Variants in COL4A2 observed in about 807,000 individuals in gnomAD.
The protein encoded by COL4A2 is collagen type IV alpha 2 chain.
Under a neutral mutation model 200.2 loss-of-function variants are expected in COL4A2, and 99 were observed. The ratio of observed to expected loss-of-function variants is 0.49; its 90% CI spans 0.42 to 0.58. COL4A2 has a LOEUF of 0.58. Among genes scored for constraint, COL4A2 ranks in the 20% least tolerant of loss-of-function variants. COL4A2 has a pLI of 0.00. For synonymous variants in COL4A2, 897 were observed against 900.6 expected, an observed-to-expected ratio of 1.00 and a Z score of 0.07; for missense variants, 1,950 against 2,314.1, an observed-to-expected ratio of 0.84 and a Z score of 3.23.
chr13:110,423,191 T>G (rs192286722), intron 4 of COL4A2, among the ~76,000 whole-genome samples: 1 of 152,292 alleles, frequency 6.6e-6, no homozygotes, highest in Admixed American at 6.5e-5. Flanking sequence ...GGCTAGCCTG[T>G]GAAATGTTAA....
chr13:110,487,537 G>A (rs907795186), intron 34 of COL4A2, among the ~76,000 whole-genome samples: 1 of 152,176 alleles, frequency 6.6e-6, no homozygotes, highest in African/African-American at 2.4e-5. Flanking sequence ...ATAACAGCTC[G>A]AAACTAGGAA....
chr13:110,398,285 C>T (rs1189446038), intron 4 of COL4A2, among the ~76,000 whole-genome samples: 2 of 152,114 alleles, frequency 1.3e-5, no homozygotes, highest in Non-Finnish European at 2.9e-5. Flanking sequence ...GAAAACTCAA[C>T]TGCCTATAGA....
At chr13:110,407,470 G>A (rs1239166332) in intron 4 of COL4A2, among the ~76,000 whole-genome samples, 7 of 152,230 alleles carry the variant, frequency 4.6e-5, no homozygotes, top group South Asian at 2.1e-4. Flanking sequence ...CGTGGCACAC[G>A]CAGCACCAGG....
chr13:110,484,838 C>A, intron 32 of COL4A2, 67 bp from the exon 33 acceptor site: 1 of 1,509,428 alleles, frequency 6.6e-7, no homozygotes, highest in Non-Finnish European at 8.9e-7. Flanking sequence ...AGGGACCAGG[C>A]CTTCACCTGT....
At chr13:110,370,474 C>G (rs984045129) in intron 4 of COL4A2, among the ~76,000 whole-genome samples, 4 of 152,170 alleles carry the variant, frequency 2.6e-5, no homozygotes, top group Non-Finnish European at 5.9e-5. Flanking sequence ...CCAGGCTGGT[C>G]TTGAACTCCT....
rs199959120 is a variant in COL4A2 at position 110,512,057 on chromosome 13, G to A, written c.5005G>A (p.Ala1669Thr). The A allele has an allele frequency of 1.4e-5, 22 of 1,613,688 alleles. No individual in the cohort carries two copies. Among genetic ancestry groups the A allele is most frequent in the Middle Eastern group, 1.6e-4 (1 of 6,084 alleles). ...AGGCCGCGGCACCTGCCACTACTAC[G>A]CCAACAAGTACAGCTTCTGGCTGAC... Reference protein sequence around the residue: ...NGGRGTCHYYANKYSFWLTTI... With the variant: ...NGGRGTCHYYTNKYSFWLTTI... Residue 1669 changes from alanine to threonine, a missense_variant, in exon 48 of 48, where the codon GCC becomes ACC. Ala to Thr is a moderately conservative substitution (Grantham distance 58). This residue lies in a region of COL4A2 where 1,385 missense variants were observed against 1,720.5 expected (regional missense o/e 0.80). Coordinates refer to ENST00000360467, the MANE Select transcript of COL4A2 (RefSeq NM_001846.4).
intron 31 of COL4A2, 82 bp downstream of exon 31, chr13:110,480,472 C>T (rs113287514): frequency 2.7e-5 from 39 of 1,431,260 alleles, no homozygotes; most frequent in Middle Eastern, 3.7e-4. Flanking sequence ...CTCTGCTGGG[C>T]GCCTCTGTGG....
intron 3 of COL4A2, among the ~76,000 whole-genome samples, chr13:110,314,587 G>A (rs1304523431): frequency 6.6e-6 from 1 of 152,204 alleles, no homozygotes; most frequent in Admixed American, 6.5e-5. Context: ...GGGAGGCCCG[G>A]TGGAGCTGTC....
At chr13:110,397,676 G>T (rs772265294) in intron 4 of COL4A2, among the ~76,000 whole-genome samples, 1 of 152,164 alleles carries the variant, frequency 6.6e-6, no homozygotes, top group East Asian at 1.9e-4. Flanking sequence ...CGCAGAAAGC[G>T]ATCTGAGACG....
chr13:110,416,985 C>CTT (rs72026998), intron 4 of COL4A2, among the ~76,000 whole-genome samples: 124 of 143,460 alleles, frequency 8.6e-4, no homozygotes, highest in East Asian at 2.6e-3. Context: ...GCAGACTTTT[C>CTT]TTTTTTTTTT....
intron 3 of COL4A2, among the ~76,000 whole-genome samples, chr13:110,325,336 T>C (rs1411284456): frequency 6.6e-6 from 1 of 152,186 alleles, no homozygotes; most frequent in East Asian, 1.9e-4. Context: ...CCTCCCTAAG[T>C]TGTTAAAGGC....
At chr13:110,442,116 G>A (rs1332317662) in intron 16 of COL4A2, among the ~76,000 whole-genome samples, 70 of 85,308 alleles carry the variant, frequency 8.2e-4, no homozygotes, top group African/African-American at 9.9e-4. Flanking sequence ...AAAAAAAAAA[G>A]GGCAGTTCCA....
rs750969535 is a variant in COL4A2, at chr13:110,438,056, A to G, written c.861+19A>G. The G allele has an allele frequency of 1.1e-5, 17 of 1,610,978 alleles. No individual in the cohort carries two copies. Among genetic ancestry groups the G allele is most frequent in the Non-Finnish European group, 1.4e-5 (17 of 1,177,504 alleles). ...AATAAGAGTAAGTCGAGTAATGAGCATGCCCCCTCCCCTGTGGCTCCTGGG... is the reference window on the plus strand; with the variant it reads ...AATAAGAGTAAGTCGAGTAATGAGCGTGCCCCCTCCCCTGTGGCTCCTGGG... On this transcript the variant is annotated intron_variant, in intron 14 of 47. Coordinates refer to ENST00000360467, the MANE Select transcript of COL4A2 (RefSeq NM_001846.4).
At chr13:110,485,910 T>A (rs543044541) in intron 34 of COL4A2, 74 bp downstream of exon 34, 37 of 1,580,084 alleles carry the variant, frequency 2.3e-5, no homozygotes, top group Non-Finnish European at 3.2e-5. Flanking sequence ...CATGCTTTGG[T>A]CTGGAATTTG....
chr13:110,457,960 GTCACCTCAGGGACTCTGC>G, intron 21 of COL4A2: 1 of 388,886 alleles, frequency 2.6e-6, no homozygotes, highest in Non-Finnish European at 5.2e-6. Context: ...ACCCTTTCCA[GTCACCTCAGGGACTCTGC>G]CCCTAGCTCG....
chr13:110,415,360 A>ATTTG (rs1880001518), intron 4 of COL4A2, among the ~76,000 whole-genome samples: 1 of 152,252 alleles, frequency 6.6e-6, no homozygotes, highest in Non-Finnish European at 1.5e-5. Context: ...CAGTAGCCAA[A>ATTTG]GGAGGAGAAG....
chr13:110,449,508 G>A (rs1881451940), intron 18 of COL4A2, among the ~76,000 whole-genome samples, 171 bp from the exon 19 acceptor site: 1 of 152,170 alleles, frequency 6.6e-6, no homozygotes, highest in Non-Finnish European at 1.5e-5. Context: ...GCTGGAGAAT[G>A]AGCCCCTTAA....
intron 13 of COL4A2, among the ~76,000 whole-genome samples, chr13:110,437,275 G>C (rs1880926822): frequency 6.6e-6 from 1 of 152,288 alleles, no homozygotes; most frequent in South Asian, 2.1e-4. Flanking sequence ...GGCAGGGAGG[G>C]CCTCTGTCCA....
chr13:110,401,712 A>G, intron 4 of COL4A2, among the ~76,000 whole-genome samples: 1 of 152,226 alleles, frequency 6.6e-6, no homozygotes, highest in East Asian at 1.9e-4. Flanking sequence ...TTACTGTCTT[A>G]GTCCACTTGG....
Sources: gnomAD v4.1 joint callset for allele counts (sites outside exome capture counted in the v4.1 genomes callset) on GRCh38, gnomAD v4.1.1 for gene constraint, gnomAD v4.1.1 regional missense constraint, MANE v1.5 for transcripts, NCBI Gene and HGNC (gene_info 2026-07-23, HGNC 2026-07-21) for gene names.